The following CDKAL1 variants were observed in gnomAD, a reference collection of about 807,000 sequenced individuals.
The protein encoded by CDKAL1 is threonylcarbamoyladenosine tRNA methylthiotransferase.
Under a neutral mutation model 68.2 loss-of-function variants are expected in CDKAL1, and 32 were observed. The observed-to-expected ratio is 0.47, with a 90% confidence interval of 0.35 to 0.63. CDKAL1 has a LOEUF of 0.63. CDKAL1 is among the 30% of genes least tolerant of loss of function. The probability of loss-of-function intolerance (pLI) is 0.00; values close to 1 mark genes in which losing one functional copy is unlikely to be tolerated. For missense variants in CDKAL1, 606 were observed against 696.7 expected, an observed-to-expected ratio of 0.87 and a Z score of 1.47; for synonymous variants, 234 against 244.3, an observed-to-expected ratio of 0.96 and a Z score of 0.39.
chr6:20,841,702 A>G (rs1157911584), intron 8 of CDKAL1, among the ~76,000 whole-genome samples: 6 of 152,262 alleles, frequency 3.9e-5, no homozygotes, highest in Non-Finnish European at 7.3e-5. Flanking sequence ...TGAGGGACCC[A>G]GCCTGGGTAA....
chr6:21,027,221 A>T (rs1769013941), intron 11 of CDKAL1, among the ~76,000 whole-genome samples: 1 of 152,020 alleles, frequency 6.6e-6, no homozygotes, highest in African/African-American at 2.4e-5. Flanking sequence ...TTTCCTTTTC[A>T]GTACATTCTT....
chr6:21,161,706 CAT>C (rs1432703312), intron 13 of CDKAL1, among the ~76,000 whole-genome samples: 6 of 152,298 alleles, frequency 3.9e-5, no homozygotes, highest in African/African-American at 7.2e-5. Flanking sequence ...GTAAAGCTAA[CAT>C]ATAAACTCTG....
intron 5 of CDKAL1, among the ~76,000 whole-genome samples, chr6:20,682,951 CTT>C (rs11364854): frequency 3.8e-3 from 487 of 126,514 alleles, no homozygotes; most frequent in Non-Finnish European, 5.2e-3. Flanking sequence ...CTTTTTCTTT[CTT>C]TTTTTTTTTT....
At chr6:21,078,364 AT>A (rs1396132757) in intron 12 of CDKAL1, among the ~76,000 whole-genome samples, 1 of 152,356 alleles carries the variant, frequency 6.6e-6, no homozygotes, top group African/African-American at 2.4e-5. Flanking sequence ...TACAGTCACA[AT>A]AATCTTTGGG....
At chr6:20,766,900 G>A (rs1561759124) in intron 7 of CDKAL1, among the ~76,000 whole-genome samples, 3 of 152,030 alleles carry the variant, frequency 2.0e-5, no homozygotes, top group Non-Finnish European at 4.4e-5. Flanking sequence ...GAATTATTTA[G>A]TGAAAAAGAA....
At position 20,984,336 on chromosome 6, in the gene CDKAL1, G is replaced by A. The variant is rs767247439; in HGVS notation, c.910-15891G>A. ...CATGGGTGGGGGAGTGCAGGTGAGCGGGTGCAGGAGCTGGGGCAAGTGCTT... is the reference window on the plus strand; with the variant it reads ...CATGGGTGGGGGAGTGCAGGTGAGCAGGTGCAGGAGCTGGGGCAAGTGCTT... On this transcript the variant is annotated intron_variant, in intron 10 of 15. Coordinates refer to ENST00000274695, the MANE Select transcript of CDKAL1 (RefSeq NM_017774.3). Among the ~76,000 whole-genome samples the A allele has an allele frequency of 8.5e-5, 13 of 152,210 alleles. No homozygotes were observed. In the East Asian group the frequency reaches 1.6e-3, roughly 18 times the overall value.
chr6:20,633,872 C>G (rs1767781338), intron 4 of CDKAL1, among the ~76,000 whole-genome samples: 1 of 151,932 alleles, frequency 6.6e-6, no homozygotes, highest in Non-Finnish European at 1.5e-5. Context: ...ATTGGATTGT[C>G]TTTTTGTTAT....
At chr6:21,003,371 T>TATATATATATATATATACACAC in intron 11 of CDKAL1, among the ~76,000 whole-genome samples, 14 of 49,282 alleles carry the variant, frequency 2.8e-4, no homozygotes, top group East Asian at 1.7e-3. Context: ...TATATATATA[T>TATATATATATATATATACACAC]ACACACACAC....
chr6:20,659,044 G>T (rs1449446249), intron 5 of CDKAL1, among the ~76,000 whole-genome samples: 2 of 151,946 alleles, frequency 1.3e-5, no homozygotes, highest in Admixed American at 6.6e-5. Context: ...TGTTCAGGCT[G>T]GTCTTGAACT....
chr6:20,629,772 A>G (rs912669555), intron 4 of CDKAL1, among the ~76,000 whole-genome samples: 2 of 151,724 alleles, frequency 1.3e-5, no homozygotes, highest in African/African-American at 2.4e-5. Context: ...TGCCCCCTGT[A>G]GAGATGCCCC....
chr6:20,577,476 A>G (rs1355192159), intron 4 of CDKAL1, among the ~76,000 whole-genome samples: 4 of 152,154 alleles, frequency 2.6e-5, no homozygotes, highest in African/African-American at 7.2e-5. Flanking sequence ...TGAACCTGCC[A>G]GTGTATTATA....
chr6:20,651,083 C>G (rs997593413), intron 5 of CDKAL1, among the ~76,000 whole-genome samples: 2 of 151,632 alleles, frequency 1.3e-5, no homozygotes, highest in African/African-American at 4.8e-5. Context: ...TTTTCTAATT[C>G]TATGAAGAAT....
At chr6:20,867,712 G>A (rs1386016854) in intron 9 of CDKAL1, among the ~76,000 whole-genome samples, 3 of 152,154 alleles carry the variant, frequency 2.0e-5, no homozygotes, top group Non-Finnish European at 4.4e-5. Flanking sequence ...GGACTTCATG[G>A]TCTGGTCCTA....
At chr6:20,948,242 C>T (rs1393627545) in intron 9 of CDKAL1, among the ~76,000 whole-genome samples, 1 of 151,888 alleles carries the variant, frequency 6.6e-6, no homozygotes, top group African/African-American at 2.4e-5. Context: ...GTCTTGAACT[C>T]CTTAACTAAG....
chr6:21,166,881 A>G lies in CDKAL1; in HGVS notation c.1300-31140A>G, dbSNP rs144953327. Among the ~76,000 whole-genome samples, 3 of 152,326 alleles carry G rather than the reference A, an allele frequency of 2.0e-5. No individual in the cohort carries two copies. The East Asian group carries it at 5.8e-4, about 29-fold the overall frequency. The stretch of plus-strand genomic sequence containing the variant: ...ATATCTACATCAGTGCCGGTCTCTT[A>G]AGAGGGCAGGTGTGAAAGTGAAAAG... On this transcript the variant is annotated intron_variant, in intron 13 of 15. Transcript: ENST00000274695.
chr6:20,649,406 T>G (rs773031431), intron 5 of CDKAL1, 29 bp downstream of exon 5: 2 of 1,282,556 alleles, frequency 1.6e-6, no homozygotes, highest in East Asian at 4.7e-5. Flanking sequence ...TTTCCTATTT[T>G]GTATAATCAA....
chr6:21,038,894 C>G lies in CDKAL1; in HGVS notation c.1056-26154C>G, dbSNP rs1407191683. The stretch of plus-strand genomic sequence containing the variant: ...CATCTATGAATGGAGAAAATATCAT[C>G]CAGTATATCTAACGCTGATTTCAGT... On this transcript the variant is annotated intron_variant, in intron 11 of 15. Coordinates refer to ENST00000274695, the MANE Select transcript of CDKAL1 (RefSeq NM_017774.3). Among the ~76,000 whole-genome samples the G allele has an allele frequency of 2.0e-5, 3 of 152,266 alleles. No individual in the cohort carries two copies. The East Asian group carries it at 5.8e-4, about 29-fold the overall frequency.
At chr6:20,594,472 T>G (rs1231533327) in intron 4 of CDKAL1, among the ~76,000 whole-genome samples, 1 of 152,234 alleles carries the variant, frequency 6.6e-6, no homozygotes, top group Non-Finnish European at 1.5e-5. Context: ...TGGTTTAAAG[T>G]CTGGTTCATC....
At position 21,230,820 on chromosome 6, in the gene CDKAL1, AT is replaced by A. The variant is rs536364123; in HGVS notation, c.1549-22del. On this transcript the variant is annotated intron_variant, in intron 15 of 15. Transcript: ENST00000274695. ...AGGGCTTTCTCTGCATCTAAAAATA[AT>A]TTTTTCCTCTGTTTCTCTCTTTATA... 6.5e-5 allele frequency: 100 copies of A among 1,540,366 alleles called. No homozygotes were observed. In the African/African-American group the frequency reaches 1.3e-3, roughly 19 times the overall value.
Sources: allele counts gnomAD v4.1 joint callset (sites outside exome capture counted in the v4.1 genomes callset), GRCh38; gene constraint gnomAD v4.1.1; transcripts MANE v1.5; gene names NCBI Gene and HGNC (gene_info 2026-07-23, HGNC 2026-07-21).